DTWD2: variants seen among roughly 807,000 people sequenced by gnomAD.
DTWD2 encodes the protein tRNA-uridine aminocarboxypropyltransferase 2.
In DTWD2, 39 loss-of-function variants were observed where a neutral mutation model predicts 31.8. The observed-to-expected ratio is 1.22, with a 90% CI of 0.95 to 1.60. The LOEUF (loss-of-function observed/expected upper bound fraction) is 1.60, where lower values mean the gene tolerates loss of function less well. DTWD2 is among the 40% of genes most tolerant of loss of function. The pLI is 0.00. For synonymous variants in DTWD2, 180 were observed against 142.8 expected (o/e 1.26, Z -1.86); for missense variants, 515 against 381.5 (o/e 1.35, Z -2.92).
intron 4 of DTWD2, among the ~76,000 whole-genome samples, chr5:118,898,640 C>T (rs1032410945): frequency 2.0e-5 from 2 of 99,066 alleles, no homozygotes; most frequent in African/African-American, 8.1e-5. Flanking sequence ...GCCTGGGCAA[C>T]AAAGTGAGAC....
intron 1 of DTWD2, among the ~76,000 whole-genome samples, chr5:118,985,919 G>T (rs1561483324): frequency 6.6e-6 from 1 of 151,864 alleles, no homozygotes; most frequent in Non-Finnish European, 1.5e-5. Context: ...TTAATCTGAG[G>T]GCTCCCCATT....
At chr5:118,846,552 G>C (rs919727818) in intron 5 of DTWD2, among the ~76,000 whole-genome samples, 1 of 152,110 alleles carries the variant, frequency 6.6e-6, no homozygotes, top group Non-Finnish European at 1.5e-5. Flanking sequence ...GATGTTGTCT[G>C]ATCCTAGAGT....
chr5:118,888,771 C>T (rs1027489386), intron 4 of DTWD2, among the ~76,000 whole-genome samples: 2 of 152,192 alleles, frequency 1.3e-5, no homozygotes, highest in Non-Finnish European at 2.9e-5. Context: ...CAACACATGG[C>T]ATGACAGCTT....
chr5:118,955,779 C>T (rs769764946), intron 1 of DTWD2, among the ~76,000 whole-genome samples: 2 of 151,100 alleles, frequency 1.3e-5, no homozygotes, highest in Non-Finnish European at 2.9e-5. Flanking sequence ...CTGGACAACA[C>T]AGCAAGACCC....
intron 1 of DTWD2, among the ~76,000 whole-genome samples, chr5:118,979,899 C>T (rs980718066): frequency 5.3e-5 from 8 of 152,182 alleles, no homozygotes; most frequent in Non-Finnish European, 5.9e-5. Context: ...GGATGCTGGG[C>T]TTAATACCTA....
chr5:118,918,158 G>T (rs929256583), intron 4 of DTWD2, among the ~76,000 whole-genome samples: 1 of 152,122 alleles, frequency 6.6e-6, no homozygotes, highest in African/African-American at 2.4e-5. Flanking sequence ...TAGATTTTCA[G>T]ATGCAGCAGA....
At chr5:118,886,144 ACTGT>A (rs1469738593) in intron 4 of DTWD2, among the ~76,000 whole-genome samples, 2 of 152,250 alleles carry the variant, frequency 1.3e-5, no homozygotes, top group South Asian at 2.1e-4. Context: ...TAATTAACAT[ACTGT>A]CTATCCATCC....
intron 4 of DTWD2, among the ~76,000 whole-genome samples, chr5:118,895,855 C>A (rs1400760829): frequency 1.3e-5 from 2 of 152,060 alleles, no homozygotes; most frequent in Non-Finnish European, 2.9e-5. Context: ...TTTCACTATA[C>A]TACCAAGCCT....
intron 4 of DTWD2, among the ~76,000 whole-genome samples, chr5:118,909,938 A>G (rs1168219376): frequency 1.3e-5 from 2 of 152,150 alleles, no homozygotes; most frequent in South Asian, 2.1e-4. Context: ...CACATAAGAT[A>G]TTCATTTACT....
chr5:118,950,246 T>C (rs1404867965), intron 1 of DTWD2, among the ~76,000 whole-genome samples: 2 of 149,138 alleles, frequency 1.3e-5, no homozygotes, highest in Non-Finnish European at 3.0e-5. Context: ...AAGAATATTG[T>C]CTAAGTTGGC....
intron 5 of DTWD2, among the ~76,000 whole-genome samples, chr5:118,845,448 T>G (rs1219688647): frequency 6.6e-6 from 1 of 152,246 alleles, no homozygotes; most frequent in Non-Finnish European, 1.5e-5. Context: ...GTTCCCCCAC[T>G]AAGAAAACAG....
chr5:118,930,632 T>G (rs1282090352), intron 3 of DTWD2, among the ~76,000 whole-genome samples: 1 of 152,184 alleles, frequency 6.6e-6, no homozygotes, highest in Non-Finnish European at 1.5e-5. Flanking sequence ...TACCACAGCT[T>G]TTTTCTACCT....
chr5:118,982,944 C>T (rs984251738), intron 1 of DTWD2, among the ~76,000 whole-genome samples: 1 of 152,148 alleles, frequency 6.6e-6, no homozygotes, highest in African/African-American at 2.4e-5. Flanking sequence ...CCGCCTCAGC[C>T]TCCCAAAGTG....
intron 1 of DTWD2, among the ~76,000 whole-genome samples, chr5:118,945,778 G>T (rs138410514): frequency 5.5e-5 from 1 of 18,040 alleles, no homozygotes; most frequent in Non-Finnish European, 1.1e-4. Flanking sequence ...AAAAAAAAAA[G>T]AAAGAAAGAA....
At chr5:118,939,782 G>A (rs967448323) in intron 2 of DTWD2, among the ~76,000 whole-genome samples, 2 of 151,990 alleles carry the variant, frequency 1.3e-5, no homozygotes, top group Non-Finnish European at 2.9e-5. Context: ...AAAACAATGG[G>A]GTATGTCAAA....
intron 4 of DTWD2, among the ~76,000 whole-genome samples, chr5:118,888,419 T>C (rs1412083670): frequency 6.6e-6 from 1 of 152,224 alleles, no homozygotes. Flanking sequence ...ACCTGTGTTA[T>C]AGTGTGTATC....
intron 1 of DTWD2, among the ~76,000 whole-genome samples, chr5:118,946,591 C>T (rs1283897020): frequency 6.6e-6 from 1 of 152,154 alleles, no homozygotes; most frequent in Non-Finnish European, 1.5e-5. Context: ...TCCAACATAA[C>T]CAGGCAAATT....
chr5:118,944,956 T>A lies in DTWD2; in HGVS notation c.219-307A>T, dbSNP rs539971609. ...GTCCCTTTATTCAAAACATGACACTTCTGATTTGCATTCCAAATCAAAAAG... is the reference window on the plus strand; with the variant it reads ...GTCCCTTTATTCAAAACATGACACTACTGATTTGCATTCCAAATCAAAAAG... On this transcript the variant is annotated intron_variant, in intron 1 of 5. Coordinates refer to ENST00000510708, the MANE Select transcript of DTWD2 (RefSeq NM_173666.4). 5.3e-5 allele frequency among the ~76,000 whole-genome samples: 8 copies of A among 152,312 alleles called. No homozygotes were observed. In the South Asian group the frequency reaches 1.0e-3, roughly 20 times the overall value.
intron 4 of DTWD2, among the ~76,000 whole-genome samples, chr5:118,908,770 C>T (rs748970714): frequency 1.3e-5 from 2 of 151,934 alleles, no homozygotes; most frequent in East Asian, 1.9e-4. Flanking sequence ...ATTTCAGTTG[C>T]GGGTGATGAA....
Sources: gnomAD v4.1 joint callset for allele counts (sites outside exome capture counted in the v4.1 genomes callset) on GRCh38, gnomAD v4.1.1 for gene constraint, MANE v1.5 for transcripts, NCBI Gene and HGNC (gene_info 2026-07-23, HGNC 2026-07-21) for gene names.